The following CCDC158 variants were observed in gnomAD, a reference collection of about 807,000 sequenced individuals.
The protein encoded by CCDC158 is coiled-coil domain containing 158, also known as coiled-coil domain-containing protein 158.
CCDC158 carries 116 observed loss-of-function variants against 138.6 expected under a neutral mutation model. The ratio of observed to expected loss-of-function variants is 0.84; its 90% CI spans 0.72 to 0.98. The LOEUF is 0.98. Among genes scored for constraint, CCDC158 ranks in the 50% least tolerant of loss-of-function variants. The pLI is 0.00. For missense variants in CCDC158, 1,265 were observed against 1,306.1 expected, an observed-to-expected ratio of 0.97 and a Z score of 0.48; for synonymous variants, 436 against 442.4, an observed-to-expected ratio of 0.99 and a Z score of 0.18.
At chr4:76,362,023 C>T (rs560664441) in intron 13 of CCDC158, 103 bp downstream of exon 13, 97 of 817,398 alleles carry the variant, frequency 1.2e-4, no homozygotes, top group Non-Finnish European at 1.8e-4. Context: ...TCATGTTTGT[C>T]ATGTGAGTGA....
At position 76,344,982 on chromosome 4, in the gene CCDC158, G is replaced by C. The variant is rs568941234; in HGVS notation, c.2664+6014C>G. The C allele has an allele frequency of 2.0e-6, 3 of 1,466,116 alleles. No homozygotes were observed. In the African/African-American group the frequency reaches 4.2e-5, roughly 20 times the overall value. The allele number at this position is 1,466,116 out of a possible 1,614,324, so 90.8% of individuals were successfully genotyped here. On this transcript the variant is annotated intron_variant, in intron 18 of 24. Transcript: ENST00000682701. ...GAAGAAGTCCTTTTTACTGGAGTTAGGGAGGTAGATGACTTCTTTGAGCAA... is the reference window on the plus strand; with the variant it reads ...GAAGAAGTCCTTTTTACTGGAGTTACGGAGGTAGATGACTTCTTTGAGCAA...
Position 76,367,276 on chromosome 4 carries a change from C to CA in CCDC158, c.1830+17dup, listed in dbSNP as rs749869173. ...AAATGATATTTCAGAAGTTAAATCA[C>CA]AAAAAAACTCTACAGACCTTAAGTT... On this transcript the variant is annotated intron_variant, in intron 12 of 24. Coordinates refer to ENST00000682701, the MANE Select transcript of CCDC158 (RefSeq NM_001394954.1). 14 of 1,594,050 alleles carry CA rather than the reference C, an allele frequency of 8.8e-6. No individual in the cohort carries two copies. The highest frequency in any genetic ancestry group is 7.9e-5 in the South Asian group (7 of 88,232).
intron 3 of CCDC158, among the ~76,000 whole-genome samples, chr4:76,398,590 C>T (rs4266316): frequency 0.31 from 46,363 of 150,262 alleles, 9,110 homozygotes; most frequent in Non-Finnish European, 0.44. Flanking sequence ...TCATTTGAAC[C>T]CGGAAAGCAG....
chr4:76,353,422 T>C, intron 15 of CCDC158, 141 bp from the exon 16 acceptor site: 2 of 619,802 alleles, frequency 3.2e-6, no homozygotes, highest in East Asian at 5.7e-5. Flanking sequence ...TTCTGAGTTG[T>C]GGTTGGGAGC....
chr4:76,361,386 C>A (rs1324912301), intron 13 of CCDC158, among the ~76,000 whole-genome samples: 1 of 152,086 alleles, frequency 6.6e-6, no homozygotes, highest in Non-Finnish European at 1.5e-5. Context: ...CACAGTGAAA[C>A]CCTATCTCTA....
chr4:76,335,297 A>T (rs1560796823), intron 18 of CCDC158, among the ~76,000 whole-genome samples: 2 of 152,192 alleles, frequency 1.3e-5, no homozygotes, highest in Admixed American at 6.5e-5. Flanking sequence ...AATACCCAAT[A>T]TGGAATAAAA....
intron 18 of CCDC158, among the ~76,000 whole-genome samples, chr4:76,336,835 A>T (rs111286486): frequency 0.029 from 4,469 of 152,240 alleles, 218 homozygotes; most frequent in African/African-American, 0.1. Context: ...CGTTGAAACC[A>T]TTTTTGGTTG....
chr4:76,346,623 T>A (rs913082033), intron 18 of CCDC158, among the ~76,000 whole-genome samples: 13 of 152,176 alleles, frequency 8.5e-5, no homozygotes, highest in African/African-American at 2.6e-4. Context: ...GGCAGGAGAA[T>A]CACTTGAACC....
At chr4:76,389,875 A>T (rs1727155893) in intron 4 of CCDC158, among the ~76,000 whole-genome samples, 1 of 152,186 alleles carries the variant, frequency 6.6e-6, no homozygotes, top group South Asian at 2.1e-4. Context: ...AATATCCTTC[A>T]AACATGAAGG....
chr4:76,412,564 C>G (rs941335807), intron 1 of CCDC158, among the ~76,000 whole-genome samples: 2 of 152,094 alleles, frequency 1.3e-5, no homozygotes, highest in African/African-American at 4.8e-5. Context: ...AATTCAAGAC[C>G]AACATGGGGA....
chr4:76,396,521 T>G (rs1727820006), intron 3 of CCDC158, 35 bp from the exon 4 acceptor site: 10 of 1,512,218 alleles, frequency 6.6e-6, no homozygotes, highest in African/African-American at 4.2e-5. Context: ...TAACTTTTCG[T>G]TTTTTTTGAG....
chr4:76,344,877 G>C (rs1722395907), intron 18 of CCDC158: 1 of 1,568,502 alleles, frequency 6.4e-7, no homozygotes, highest in African/African-American at 1.4e-5. Flanking sequence ...GATGAAACAA[G>C]AACTGGAAGC....
chr4:76,339,073 T>G (rs912748148), intron 18 of CCDC158, among the ~76,000 whole-genome samples: 3 of 151,980 alleles, frequency 2.0e-5, no homozygotes, highest in African/African-American at 7.3e-5. Flanking sequence ...TGACCGGCTA[T>G]CCAATGAAAC....
Position 76,323,351 on chromosome 4 carries a change from T to C in CCDC158, c.3228A>G (p.Arg1076=). The part of the protein sequence containing the change: ...TGKTCRKLQN[R]LESLQTLVED... The stretch of plus-strand genomic sequence containing the variant: ...CTACCAGAGTTTGCAAGCTTTCTAG[T>C]CTGTTCTGAAGCTTCCTGCATGTTT... Residue 1076 remains arginine (R), a synonymous_variant, in exon 24 of 25, where the codon AGA becomes AGG. Coordinates refer to ENST00000682701, the MANE Select transcript of CCDC158 (RefSeq NM_001394954.1). 5 of 1,613,312 alleles carry C rather than the reference T, an allele frequency of 3.1e-6. No homozygotes were observed. Among genetic ancestry groups the C allele is most frequent in the Non-Finnish European group, 3.4e-6 (4 of 1,179,628 alleles).
chr4:76,340,272 C>G (rs2110130828), intron 18 of CCDC158, among the ~76,000 whole-genome samples: 1 of 152,316 alleles, frequency 6.6e-6, no homozygotes, highest in East Asian at 1.9e-4. Flanking sequence ...TCCTTTCTCC[C>G]AGCTAGTGCA....
At chr4:76,396,674 C>G (rs886321844) in intron 3 of CCDC158, among the ~76,000 whole-genome samples, 188 bp from the exon 4 acceptor site, 5 of 151,846 alleles carry the variant, frequency 3.3e-5, no homozygotes, top group Non-Finnish European at 7.4e-5. Flanking sequence ...CCATGCCGGG[C>G]TAATTTTTTG....
rs10005030 is a variant in CCDC158, at chr4:76,396,473, T to C, written c.84A>G (p.Ser28=). 8,937 of 1,604,130 alleles carry C rather than the reference T, an allele frequency of 5.6e-3. 410 individuals carry two copies. In the African/African-American group the frequency reaches 0.1, roughly 18 times the overall value. ...GVTSNGGSSS[S]FFVSSIRGTI... is the part of the protein sequence containing the mutation. Reference sequence around the variant, plus strand: ...TACCACGAATAGATGACACAAAAAATGAACTTGAAGAACCTAAATATTAAA... The same window carrying C: ...TACCACGAATAGATGACACAAAAAACGAACTTGAAGAACCTAAATATTAAA... Residue 28 remains serine, a synonymous_variant, in exon 4 of 25, where the codon TCA becomes TCG. Transcript: ENST00000682701.
rs531994030 is a variant in CCDC158, at chr4:76,365,862, G to A, written c.1830+1432C>T. 5.3e-5 allele frequency among the ~76,000 whole-genome samples: 8 copies of A among 152,298 alleles called. No homozygotes were observed. The South Asian group carries it at 1.5e-3, about 28-fold the overall frequency. ...CCATGCTTTAAAAAGCCCTCCAGGC[G>A]ATTCCGGTTCTCACTGAGAACCACT... On this transcript the variant is annotated intron_variant, in intron 12 of 24. Transcript: ENST00000682701.
intron 13 of CCDC158, among the ~76,000 whole-genome samples, chr4:76,358,364 C>T (rs1282070668): frequency 3.3e-5 from 5 of 152,144 alleles, no homozygotes; most frequent in East Asian, 1.9e-4. Flanking sequence ...TTATCTGGGA[C>T]GACTGCAAAA....
Sources: allele counts gnomAD v4.1 joint callset (sites outside exome capture counted in the v4.1 genomes callset), GRCh38; gene constraint gnomAD v4.1.1; transcripts MANE v1.5; gene names NCBI Gene and HGNC (gene_info 2026-07-23, HGNC 2026-07-21).